Variants in RNF175 observed in about 807,000 individuals in gnomAD.
The protein encoded by RNF175 is ring finger protein 175.
A neutral mutation model predicts 50.0 loss-of-function variants in RNF175; 38 were observed. The ratio of observed to expected loss-of-function variants is 0.76; its 90% CI spans 0.59 to 1.00. The LOEUF (loss-of-function observed/expected upper bound fraction) is 1.00, where lower values mean the gene tolerates loss of function less well. RNF175 is among the 50% of genes least tolerant of loss of function. The pLI, the probability that RNF175 is intolerant of heterozygous loss-of-function variation, is 0.00. For missense variants in RNF175, 388 were observed against 409.6 expected (o/e 0.95, Z 0.46); for synonymous variants, 155 against 146.1 (o/e 1.06, Z -0.44).
chr4:153,725,400 C>A (rs1175154337), intron 4 of RNF175, among the ~76,000 whole-genome samples: 1 of 152,138 alleles, frequency 6.6e-6, no homozygotes, highest in East Asian at 1.9e-4. Flanking sequence ...AGAGGGTCCC[C>A]TCTACTAGGC....
chr4:153,715,743 C>A (rs1737876000), intron 6 of RNF175, 81 bp from the exon 7 acceptor site: 1 of 1,451,832 alleles, frequency 6.9e-7, no homozygotes, highest in Non-Finnish European at 9.4e-7. Flanking sequence ...CTGCCAGGCA[C>A]TGGGACAGGC....
intron 2 of RNF175, among the ~76,000 whole-genome samples, chr4:153,749,553 C>T (rs1041513270): frequency 6.6e-6 from 1 of 152,160 alleles, no homozygotes; most frequent in Non-Finnish European, 1.5e-5. Flanking sequence ...CAGACATTCC[C>T]ATGATGGCTG....
intron 1 of RNF175, among the ~76,000 whole-genome samples, chr4:153,752,706 T>G (rs564810467): frequency 6.6e-6 from 1 of 152,092 alleles, no homozygotes; most frequent in East Asian, 1.9e-4. Context: ...TAAAATAAAA[T>G]ACATTATAGT....
intron 3 of RNF175, among the ~76,000 whole-genome samples, chr4:153,738,127 G>A (rs779220932): frequency 4.1e-4 from 62 of 152,156 alleles, no homozygotes; most frequent in Middle Eastern, 3.4e-3. Flanking sequence ...ATGGCTCATT[G>A]CAGCATTGAC....
Position 153,710,210 on chromosome 4 carries a change from C to T in RNF175, c.*159G>A. 3.6e-6 allele frequency: 2 copies of T among 548,376 alleles called. No homozygotes were observed. Among genetic ancestry groups the T allele is most frequent in the Non-Finnish European group, 6.2e-6 (2 of 320,024 alleles). The allele number at this position is 548,376 out of a possible 1,614,324, so 34.0% of individuals were successfully genotyped here. ...TTTATTTGTTTATTCCATTGTTCAG[C>T]TTCTCTTTAAATTCTTTCCACATGG... is the stretch of plus-strand genomic sequence containing the variant. On this transcript the variant is annotated 3_prime_UTR_variant, in exon 9 of 9. Coordinates refer to ENST00000347063, the MANE Select transcript of RNF175 (RefSeq NM_173662.4).
intron 7 of RNF175, 100 bp downstream of exon 7, chr4:153,715,429 G>A: frequency 8.3e-7 from 1 of 1,198,878 alleles, no homozygotes; most frequent in Non-Finnish European, 1.2e-6. Flanking sequence ...GGGCATGGAA[G>A]GTAAGCAAGA....
intron 3 of RNF175, 97 bp from the exon 4 acceptor site, chr4:153,728,458 C>T (rs1738844807): frequency 1.0e-6 from 1 of 995,080 alleles, no homozygotes; most frequent in Non-Finnish European, 1.6e-6. Context: ...GGGAGAACCA[C>T]CTTCACCATC....
chr4:153,715,440 T>C (rs1737843922), intron 7 of RNF175, 89 bp downstream of exon 7: 3 of 1,291,256 alleles, frequency 2.3e-6, no homozygotes, highest in Non-Finnish European at 1.1e-6. Flanking sequence ...GTAAGCAAGA[T>C]GGAGGAGATG....
rs183108334 is a variant in RNF175 at position 153,726,479 on chromosome 4, T to C, written c.401+1728A>G. ...TTGAGAGGAAACTCACTTCCCCTTC[T>C]TTGGGCACCCCATCCTGAAACAAGA... On this transcript the variant is annotated intron_variant, in intron 4 of 8. Coordinates refer to ENST00000347063, the MANE Select transcript of RNF175 (RefSeq NM_173662.4). Among the ~76,000 whole-genome samples the C allele has an allele frequency of 2.2e-3, 339 of 152,298 alleles. 2 individuals are homozygous for C. The highest frequency in any genetic ancestry group is 6.8e-3 in the African/African-American group (284 of 41,566).
chr4:153,748,468 T>G, intron 3 of RNF175, 177 bp downstream of exon 3: 1 of 520,206 alleles, frequency 1.9e-6, no homozygotes, highest in Non-Finnish European at 3.2e-6. Context: ...CAGTCAAAAA[T>G]GTTTCCAGAC....
chr4:153,715,708 G>T (rs749215433), intron 6 of RNF175, 46 bp from the exon 7 acceptor site: 1 of 1,584,660 alleles, frequency 6.3e-7, no homozygotes, highest in Non-Finnish European at 8.6e-7. Flanking sequence ...GAGAGCACAT[G>T]CCACTCTCTG....
At chr4:153,712,632 G>A in intron 7 of RNF175, 56 bp from the exon 8 acceptor site, 1 of 1,145,576 alleles carries the variant, frequency 8.7e-7, no homozygotes, top group Non-Finnish European at 1.3e-6. Context: ...TCTGGTTCAT[G>A]ATGGCATGGA....
chr4:153,731,454 C>T (rs1244106194), intron 3 of RNF175, among the ~76,000 whole-genome samples: 3 of 152,180 alleles, frequency 2.0e-5, no homozygotes, highest in Non-Finnish European at 2.9e-5. Context: ...ACATCACTCA[C>T]GTTCTCCCCA....
intron 4 of RNF175, among the ~76,000 whole-genome samples, chr4:153,724,366 G>C (rs1289008916): frequency 6.6e-6 from 1 of 152,242 alleles, no homozygotes; most frequent in Non-Finnish European, 1.5e-5. Context: ...GTAGTGGATG[G>C]AAAAGCTGGG....
Position 153,748,705 on chromosome 4 carries a change from A to G in RNF175, c.186T>C (p.Val62=), listed in dbSNP as rs1321736737. The G allele has an allele frequency of 5.0e-6, 8 of 1,608,354 alleles. No individual in the cohort carries two copies. The highest frequency in any genetic ancestry group is 5.9e-6 in the Non-Finnish European group (7 of 1,177,548). ...CCAGCACTATCTGGGCAATGACCAG[A>G]ACGCAGAGGAAGATCAAGATCATTT... is the stretch of plus-strand genomic sequence containing the variant. ...HVEMILIFLC[V]LVIAQIVLVQ... The change falls in exon 3 of 9, where the codon GTT becomes GTC. Residue 62 remains valine (V), a synonymous_variant. Transcript: ENST00000347063.
rs1737863606 is a variant in RNF175 at position 153,715,612 on chromosome 4, A to C, written c.681T>G (p.Cys227Trp). Reference sequence around the variant, plus strand: ...CAATGATCTTCTGCCCACAGACTGCACAGATATTGTCCGATAAGCTCCTTG... The same window carrying C: ...CAATGATCTTCTGCCCACAGACTGCCCAGATATTGTCCGATAAGCTCCTTG... ...LPTRSLSDNI[C>W]AVCGQKIIVE... The change falls in exon 7 of 9, where the codon TGT becomes TGG. Residue 227 changes from cysteine to tryptophan, a missense_variant. Cys to Trp is a radical substitution (Grantham distance 215, BLOSUM62 -2). Coordinates refer to ENST00000347063, the MANE Select transcript of RNF175 (RefSeq NM_173662.4). 1.2e-6 allele frequency: 2 copies of C among 1,613,800 alleles called. No homozygotes were observed. The highest frequency in any genetic ancestry group is 2.2e-5 in the East Asian group (1 of 44,880).
chr4:153,713,750 T>C (rs898237656), intron 7 of RNF175: 1 of 152,190 alleles, frequency 6.6e-6, no homozygotes, highest in Non-Finnish European at 1.5e-5. Flanking sequence ...ATTTTTGCAA[T>C]ATGCTTTAAA....
In RNF175 at chr4:153,718,224, T is replaced by G. The variant is rs1290950835; in HGVS notation, c.630+1960A>C. Among the ~76,000 whole-genome samples the G allele has an allele frequency of 1.2e-4, 3 of 24,708 alleles. 1 individual carries two copies. Among genetic ancestry groups the G allele is most frequent in the Non-Finnish European group, 3.6e-4 (3 of 8,360 alleles). The allele number at this position is 24,708 out of a possible 152,430, so 16.2% of individuals were successfully genotyped here. On this transcript the variant is annotated intron_variant, in intron 6 of 8. Coordinates refer to ENST00000347063, the MANE Select transcript of RNF175 (RefSeq NM_173662.4). ...TTCCTAAGGAGTTTTTTTTGTTTGT[T>G]TGTTTGTTTGTTTGTTTTTTTTTTT... is the stretch of plus-strand genomic sequence containing the variant.
At chr4:153,743,639 T>C (rs1450885249) in intron 3 of RNF175, among the ~76,000 whole-genome samples, 5 of 152,032 alleles carry the variant, frequency 3.3e-5, no homozygotes, top group Non-Finnish European at 7.4e-5. Flanking sequence ...AACAGGCGCC[T>C]GGTCACCTCC....
Sources: gnomAD v4.1 joint callset for allele counts (sites outside exome capture counted in the v4.1 genomes callset) on GRCh38, gnomAD v4.1.1 for gene constraint, MANE v1.5 for transcripts, NCBI Gene and HGNC (gene_info 2026-07-23, HGNC 2026-07-21) for gene names.